OGG1: variants seen among roughly 807,000 people sequenced by gnomAD.
OGG1 encodes the protein N-glycosylase/DNA lyase.
OGG1 carries 35 observed loss-of-function variants against 42.3 expected under a neutral mutation model. The observed-to-expected ratio is 0.83, with a 90% confidence interval of 0.63 to 1.10. OGG1 has a LOEUF of 1.10. Ranked by LOEUF, OGG1 falls within the 50% of genes least tolerant of loss-of-function variation. The pLI is 0.00. For missense variants in OGG1, 484 were observed against 446.7 expected, an observed-to-expected ratio of 1.08 and a Z score of -0.75; for synonymous variants, 189 against 179.0, an observed-to-expected ratio of 1.06 and a Z score of -0.44.
intron 3 of OGG1, chr3:9,784,352 AG>A (rs879403557): frequency 8.9e-7 from 1 of 1,120,204 alleles, no homozygotes; most frequent in Non-Finnish European, 1.2e-6. Context: ...CCAGATACAA[AG>A]GGAGGGACAG....
chr3:9,750,747 G>T (rs567904263), intron 1 of OGG1, 198 bp from the exon 2 acceptor site: 168 of 745,972 alleles, frequency 2.3e-4, no homozygotes, highest in Non-Finnish European at 3.3e-4. Context: ...CGAGTAGCTG[G>T]GACTACAGGT....
intron 2 of OGG1, 40 bp downstream of exon 2, chr3:9,751,232 A>T (rs935032571): frequency 1.3e-5 from 21 of 1,605,694 alleles, no homozygotes; most frequent in Admixed American, 6.8e-5. Flanking sequence ...GTTCTTGGAC[A>T]TAAGTCACTT....
Position 9,766,649 on chromosome 3 carries a change from A to G in OGG1, c.*818A>G, listed in dbSNP as rs1057366261. ...AGGAACAAATAAACTCATTTAACTA[A>G]AGTTAACTGATTAAAGAGGATTTGC... On this transcript the variant is annotated 3_prime_UTR_variant, in exon 8 of 8. Transcript: ENST00000302008. The G allele has an allele frequency of 5.7e-6, 6 of 1,052,652 alleles. No individual in the cohort carries two copies. In the African/African-American group the frequency reaches 1.0e-4, roughly 18 times the overall value. 65.2% of individuals were successfully genotyped at this position (1,052,652 alleles called of 1,614,324 possible).
chr3:9,790,079 C>T (rs893749185), downstream of OGG1: 2 of 1,262,124 alleles, frequency 1.6e-6, no homozygotes, highest in Admixed American at 6.2e-5. Context: ...CTTTCCCCAT[C>T]CTCTTTTTAC....
downstream of OGG1, chr3:9,769,992 C>T (rs1291245629): frequency 6.6e-6 from 1 of 152,352 alleles, no homozygotes; most frequent in Non-Finnish European, 1.5e-5. Flanking sequence ...GCCTGCGGCT[C>T]TGATGTCAGT....
downstream of OGG1, among the ~76,000 whole-genome samples, chr3:9,768,757 TTC>T (rs1226218634): frequency 6.6e-6 from 1 of 152,200 alleles, no homozygotes; most frequent in Admixed American, 6.5e-5. Flanking sequence ...AGCACTTTCC[TTC>T]TCTCTTTTTC....
At chr3:9,759,896 T>A, downstream of OGG1, 1 of 1,353,846 alleles carries the variant, frequency 7.4e-7, no homozygotes, top group East Asian at 2.4e-5. Flanking sequence ...CAACCTATGC[T>A]CTTCTTCAGG....
At chr3:9,777,801 C>A (rs2078384023) in intron 2 of OGG1, among the ~76,000 whole-genome samples, 1 of 152,196 alleles carries the variant, frequency 6.6e-6, no homozygotes, top group African/African-American at 2.4e-5. Context: ...GAACTCTCTA[C>A]CAACAACGCC....
At chr3:9,770,922 C>A (rs2078287111), downstream of OGG1, among the ~76,000 whole-genome samples, 1 of 152,202 alleles carries the variant, frequency 6.6e-6, no homozygotes, top group Non-Finnish European at 1.5e-5. Flanking sequence ...CTCCTGAATT[C>A]TTGCATGTTC....
rs747986814 is a variant in OGG1 at position 9,750,311 on chromosome 3, A to G, written c.25A>G (p.Arg9Gly). The change falls in exon 1 of 7, where the codon AGG (arginine) becomes GGG (glycine). Residue 9 changes from arginine to glycine, a missense_variant. Coordinates refer to ENST00000344629, the MANE Select transcript of OGG1 (RefSeq NM_002542.6). MPARALLP[R>G]RMGHRTLAST... ...AATGCCTGCCCGCGCGCTTCTGCCC[A>G]GGCGCATGGGGCATCGTACTCTAGC... 3.7e-6 allele frequency: 6 copies of G among 1,612,904 alleles called. No homozygotes were observed. Among genetic ancestry groups the G allele is most frequent in the Non-Finnish European group, 5.1e-6 (6 of 1,179,460 alleles).
At chr3:9,761,141 A>G (rs189542195), downstream of OGG1, 369 of 333,388 alleles carry the variant, frequency 1.1e-3, 3 homozygotes, top group Admixed American at 9.7e-3. Context: ...TCTCCACAGT[A>G]TTTATTTTTA....
intron 2 of OGG1, among the ~76,000 whole-genome samples, chr3:9,778,980 C>T: frequency 6.6e-6 from 1 of 152,148 alleles, no homozygotes; most frequent in East Asian, 1.9e-4. Flanking sequence ...CTGCGTGGAC[C>T]TCAACCTTCC....
At position 9,757,218 on chromosome 3, in the gene OGG1, T is replaced by A. The variant is rs747077239; in HGVS notation, c.*68T>A. 1.2e-5 allele frequency: 19 copies of A among 1,613,508 alleles called. No individual in the cohort carries two copies. In the East Asian group the frequency reaches 3.6e-4, roughly 30 times the overall value. On this transcript the variant is annotated 3_prime_UTR_variant, in exon 7 of 7. Coordinates refer to ENST00000344629, the MANE Select transcript of OGG1 (RefSeq NM_002542.6). The surrounding 1 kb of genome is among the most constrained non-coding windows in gnomAD (Gnocchi z 4.5). Reference sequence around the variant, plus strand: ...TCCATTCCCCACTTCTCTCTCCCCATCCCCACCCAGTCTCATGTTGGGGAG... The same window carrying A: ...TCCATTCCCCACTTCTCTCTCCCCAACCCCACCCAGTCTCATGTTGGGGAG...
At chr3:9,768,646 A>C (rs2078222693), downstream of OGG1, among the ~76,000 whole-genome samples, 1 of 152,170 alleles carries the variant, frequency 6.6e-6, no homozygotes, top group Non-Finnish European at 1.5e-5. Flanking sequence ...TGGTACTTCC[A>C]ATATGAAGCC....
At chr3:9,765,795 T>G (rs1361784414) in intron 7 of OGG1, 13 of 1,614,074 alleles carry the variant, frequency 8.1e-6, no homozygotes, top group Non-Finnish European at 1.1e-5. Flanking sequence ...CATGCTGCCT[T>G]CCTTGCCCTC....
downstream of OGG1, among the ~76,000 whole-genome samples, chr3:9,770,609 A>G (rs540418384): frequency 4.1e-4 from 62 of 152,234 alleles, no homozygotes; most frequent in African/African-American, 1.5e-3. Context: ...AGGAAGTTAA[A>G]TCGGGATCCT....
At chr3:9,784,162 G>A (rs1309639665) in intron 3 of OGG1, 3 of 1,614,054 alleles carry the variant, frequency 1.9e-6, no homozygotes, top group Non-Finnish European at 8.5e-7. Flanking sequence ...AAAGGCCCTG[G>A]GCAATTAGCT....
intron 3 of OGG1, among the ~76,000 whole-genome samples, chr3:9,786,105 AT>A (rs1233116723): frequency 6.6e-6 from 1 of 151,840 alleles, no homozygotes; most frequent in African/African-American, 2.4e-5. Context: ...TGCCCGGCTA[AT>A]TTTTTTGTAT....
downstream of OGG1, chr3:9,758,832 G>C (rs953561269): frequency 3.4e-6 from 1 of 290,156 alleles, no homozygotes; most frequent in African/African-American, 2.2e-5. Flanking sequence ...GTTTTGCCAT[G>C]TTGGCCAGGA....
Sources: gnomAD v4.1 joint callset for allele counts (sites outside exome capture counted in the v4.1 genomes callset) on GRCh38, gnomAD v4.1.1 for gene constraint, Gnocchi (gnomAD v3.1) non-coding constraint, MANE v1.5 for transcripts, NCBI Gene and HGNC (gene_info 2026-07-23, HGNC 2026-07-21) for gene names.